C8orf34: variants seen among roughly 807,000 people sequenced by gnomAD.
C8orf34 encodes the protein uncharacterized protein C8orf34.
Under a neutral mutation model 68.3 loss-of-function variants are expected in C8orf34, and 65 were observed. The observed-to-expected ratio is 0.95, with a 90% CI of 0.78 to 1.17. The LOEUF (loss-of-function observed/expected upper bound fraction) is 1.17, where lower values mean the gene tolerates loss of function less well. C8orf34 is among the 50% of genes most tolerant of loss of function. The pLI is 0.00. For missense variants in C8orf34, 664 were observed against 655.4 expected (o/e 1.01, Z -0.14); for synonymous variants, 244 against 241.2 (o/e 1.01, Z -0.11).
At chr8:68,520,698 C>A (rs1346979790) in intron 5 of C8orf34, among the ~76,000 whole-genome samples, 2 of 151,136 alleles carry the variant, frequency 1.3e-5, no homozygotes, top group Admixed American at 1.3e-4. Flanking sequence ...CTCCTGACCT[C>A]GTTATCTGCA....
chr8:68,714,880 T>G, intron 9 of C8orf34, among the ~76,000 whole-genome samples: 1 of 152,110 alleles, frequency 6.6e-6, no homozygotes, highest in South Asian at 2.1e-4. Flanking sequence ...AAGTATACTA[T>G]AAGGCCATAG....
chr8:68,715,063 G>C (rs1184686181), intron 9 of C8orf34, among the ~76,000 whole-genome samples: 1 of 152,068 alleles, frequency 6.6e-6, no homozygotes, highest in Non-Finnish European at 1.5e-5. Context: ...TGGGATAATT[G>C]GCAAGCCACA....
chr8:68,369,269 C>T (rs1191364181), intron 1 of C8orf34, among the ~76,000 whole-genome samples: 1 of 152,202 alleles, frequency 6.6e-6, no homozygotes, highest in East Asian at 1.9e-4. Flanking sequence ...TGTATTCCTG[C>T]GTTTGGCAAC....
intron 1 of C8orf34, among the ~76,000 whole-genome samples, chr8:68,334,925 T>G (rs1805782795): frequency 6.6e-6 from 1 of 152,188 alleles, no homozygotes; most frequent in Non-Finnish European, 1.5e-5. Flanking sequence ...CGGCACTTCT[T>G]CCAGCCATGT....
At chr8:68,613,341 G>A (rs1451402989) in intron 7 of C8orf34, among the ~76,000 whole-genome samples, 1 of 151,742 alleles carries the variant, frequency 6.6e-6, no homozygotes, top group Non-Finnish European at 1.5e-5. Context: ...TGTGCACAAT[G>A]TGCAGGTTAG....
At chr8:68,546,679 C>T (rs547065004) in intron 7 of C8orf34, among the ~76,000 whole-genome samples, 1 of 151,784 alleles carries the variant, frequency 6.6e-6, no homozygotes, top group East Asian at 1.9e-4. Flanking sequence ...CTACAGAATA[C>T]AAATTATTTT....
intron 1 of C8orf34, among the ~76,000 whole-genome samples, chr8:68,395,359 TCTCA>T (rs1341790520): frequency 9.1e-3 from 81 of 8,934 alleles, no homozygotes; most frequent in African/African-American, 0.03. Flanking sequence ...TCTGTGTGTC[TCTCA>T]CACACACACA....
chr8:68,508,073 A>G (rs2129633097), intron 5 of C8orf34, among the ~76,000 whole-genome samples: 1 of 152,322 alleles, frequency 6.6e-6, no homozygotes, highest in East Asian at 1.9e-4. Context: ...TTAATCTTAA[A>G]CTATTTGTCT....
chr8:68,374,025 C>A (rs888057942), intron 1 of C8orf34, among the ~76,000 whole-genome samples: 1 of 152,194 alleles, frequency 6.6e-6, no homozygotes, highest in African/African-American at 2.4e-5. Context: ...AAGCCATCCT[C>A]CTGCCTTAGC....
In C8orf34 at chr8:68,335,184, G is replaced by C. The variant is rs75883106; in HGVS notation, c.327+3845G>C. Among the ~76,000 whole-genome samples the C allele has an allele frequency of 1.7e-3, 262 of 152,210 alleles. 1 individual carries two copies. Among genetic ancestry groups the C allele is most frequent in the African/African-American group, 6.1e-3 (255 of 41,530 alleles). On this transcript the variant is annotated intron_variant, in intron 1 of 13. Coordinates refer to ENST00000518698, the MANE Select transcript of C8orf34 (RefSeq NM_052958.4). ...TTATGATTGTTTAGGGCAGTTGTTT[G>C]GGGATAAGAAGGATACTAGTTACTC...
Position 68,747,333 on chromosome 8 carries a change from G to T in C8orf34, c.1404+25896G>T, listed in dbSNP as rs1171599212. Among the ~76,000 whole-genome samples, 5 of 150,758 alleles carry T rather than the reference G, an allele frequency of 3.3e-5. No individual in the cohort carries two copies. The East Asian group carries it at 9.7e-4, about 29-fold the overall frequency. ...CCTTTGAAAACTGGCACAAGACAGG[G>T]ATGCCCTCTCTCACCACTCCTATTC... On this transcript the variant is annotated intron_variant, in intron 10 of 13. Transcript: ENST00000518698.
intron 9 of C8orf34, among the ~76,000 whole-genome samples, chr8:68,719,298 A>T (rs1221126860): frequency 6.6e-6 from 1 of 152,048 alleles, no homozygotes; most frequent in Non-Finnish European, 1.5e-5. Flanking sequence ...CAGTACTTAT[A>T]GTTGTCCCTT....
intron 12 of C8orf34, among the ~76,000 whole-genome samples, chr8:68,790,569 A>G (rs1392360512): frequency 2.0e-5 from 3 of 152,250 alleles, no homozygotes; most frequent in African/African-American, 4.8e-5. Context: ...AGATATTGTG[A>G]ACAATTAAAT....
intron 8 of C8orf34, among the ~76,000 whole-genome samples, chr8:68,675,397 A>G (rs1000762855): frequency 2.4e-4 from 37 of 152,310 alleles, no homozygotes; most frequent in African/African-American, 8.7e-4. Flanking sequence ...ATAAATAGAA[A>G]CAAGAAAAAG....
chr8:68,538,648 A>C (rs1044896738), intron 7 of C8orf34, among the ~76,000 whole-genome samples: 1 of 152,156 alleles, frequency 6.6e-6, no homozygotes, highest in African/African-American at 2.4e-5. Context: ...AAAACAGCAA[A>C]AATGTATGTT....
chr8:68,718,405 AATAAT>A (rs1310851529), intron 9 of C8orf34, among the ~76,000 whole-genome samples: 2 of 152,214 alleles, frequency 1.3e-5, no homozygotes, highest in Non-Finnish European at 2.9e-5. Flanking sequence ...TGGGAAATTA[AATAAT>A]ATATCAAAAA....
At chr8:68,637,399 C>T (rs1818878315) in intron 7 of C8orf34, among the ~76,000 whole-genome samples, 1 of 151,982 alleles carries the variant, frequency 6.6e-6, no homozygotes, top group Non-Finnish European at 1.5e-5. Context: ...AATTTCCAGC[C>T]TTGATGATCT....
At chr8:68,456,847 A>G (rs1279165191) in intron 3 of C8orf34, among the ~76,000 whole-genome samples, 2 of 152,242 alleles carry the variant, frequency 1.3e-5, no homozygotes, top group East Asian at 3.8e-4. Context: ...TGTGTCATAG[A>G]TAAGATAAGC....
Position 68,613,738 on chromosome 8 carries a change from T to C in C8orf34, c.1106-26638T>C, listed in dbSNP as rs546085009. 1.2e-4 allele frequency among the ~76,000 whole-genome samples: 18 copies of C among 151,924 alleles called. No homozygotes were observed. The South Asian group carries it at 1.7e-3, about 14-fold the overall frequency. ...AAGTCTTTGCTATTGTGAATAGTGC[T>C]GCAATAAATATACATGTGCATGTGT... On this transcript the variant is annotated intron_variant, in intron 7 of 13. Transcript: ENST00000518698.
Sources: allele counts gnomAD v4.1 joint callset (sites outside exome capture counted in the v4.1 genomes callset), GRCh38; gene constraint gnomAD v4.1.1; transcripts MANE v1.5; gene names NCBI Gene and HGNC (gene_info 2026-07-23, HGNC 2026-07-21).